The following ENTREP3 variants were observed in gnomAD, a reference collection of about 807,000 sequenced individuals.
The protein encoded by ENTREP3 is endosomal transmembrane epsin interactor 3.
At chr1:155,254,289 C>T in the ENTREP3 span, 15 of 1,502,260 alleles carry the variant, frequency 1.0e-5, no homozygotes, top group Non-Finnish European at 1.9e-6. The surrounding 1 kb of genome is among the most constrained non-coding windows in gnomAD (Gnocchi z 4.4). Flanking sequence ...ACTTCGTGCC[C>T]ACCCGGCTGG....
At chr1:155,247,805 C>A in the ENTREP3 span, 6 of 1,466,930 alleles carry the variant, frequency 4.1e-6, no homozygotes, top group Non-Finnish European at 5.4e-6. Context: ...TCCCGGCTGC[C>A]CCCGTTGAGG....
chr1:155,250,525 T>C, the ENTREP3 span: 1 of 1,528,446 alleles, frequency 6.5e-7, no homozygotes, highest in Non-Finnish European at 8.8e-7. This position sits in a 1 kb window ranked among gnomAD's most constrained non-coding sequence, Gnocchi z 5.4. Flanking sequence ...CGGTGGCAGC[T>C]GCGGGCAGCT....
chr1:155,250,936 C>T, the ENTREP3 span: 1 of 1,279,284 alleles, frequency 7.8e-7, no homozygotes, highest in African/African-American at 1.5e-5. The surrounding 1 kb of genome is among the most constrained non-coding windows in gnomAD (Gnocchi z 5.4). Context: ...CCAGCTTTAT[C>T]TCAGAGGAGA....
the ENTREP3 span, chr1:155,251,277 ACTTAATTGTGCAGC>A: frequency 1.1e-6 from 1 of 907,248 alleles, no homozygotes. Flanking sequence ...TGTACAAGTC[ACTTAATTGTGCAGC>A]CTCAGCTTCC....
At chr1:155,251,279 T>C in the ENTREP3 span, 1 of 887,630 alleles carries the variant, frequency 1.1e-6, no homozygotes, top group Non-Finnish European at 1.7e-6. Context: ...TACAAGTCAC[T>C]TAATTGTGCA....
the ENTREP3 span, chr1:155,251,972 A>G: frequency 1.4e-4 from 157 of 1,124,468 alleles, no homozygotes; most frequent in Non-Finnish European, 9.3e-5. Context: ...GGGCCCCCAA[A>G]CTCCTCTCTC....
At chr1:155,254,591 G>T in the ENTREP3 span, 2 of 1,567,688 alleles carry the variant, frequency 1.3e-6, no homozygotes, top group Non-Finnish European at 8.8e-7. This position sits in a 1 kb window ranked among gnomAD's most constrained non-coding sequence, Gnocchi z 4.4. Flanking sequence ...TGGACTTGCA[G>T]CTGGTGTGGA....
At chr1:155,254,640 G>A in the ENTREP3 span, 6 of 1,605,106 alleles carry the variant, frequency 3.7e-6, no homozygotes, top group Non-Finnish European at 5.1e-6. The surrounding 1 kb of genome is among the most constrained non-coding windows in gnomAD (Gnocchi z 4.4). Context: ...CAACAACTGT[G>A]CACCCAACTC....
the ENTREP3 span, chr1:155,253,943 G>A: frequency 6.2e-7 from 1 of 1,612,830 alleles, no homozygotes; most frequent in Non-Finnish European, 8.5e-7. Context: ...GCCGGAGGAG[G>A]GGAACAGAGG....
At chr1:155,249,446 A>C in the ENTREP3 span, among the ~76,000 whole-genome samples, 1 of 152,112 alleles carries the variant, frequency 6.6e-6, no homozygotes, top group Non-Finnish European at 1.5e-5. Context: ...TGGGGAGGAC[A>C]GATAAGTGGA....
the ENTREP3 span, chr1:155,251,062 G>A: frequency 7.6e-6 from 12 of 1,577,980 alleles, no homozygotes; most frequent in South Asian, 8.9e-5. Context: ...TGGCAGCCCC[G>A]CCCTTGTCCA....
chr1:155,248,677 G>T, the ENTREP3 span, among the ~76,000 whole-genome samples: 1 of 149,994 alleles, frequency 6.7e-6, no homozygotes, highest in African/African-American at 2.5e-5. Context: ...GTGTTGTTCA[G>T]CACCTGGCGC....
At chr1:155,250,174 T>G in the ENTREP3 span, 1 of 1,027,054 alleles carries the variant, frequency 9.7e-7, no homozygotes, top group Admixed American at 2.9e-5. The surrounding 1 kb of genome is among the most constrained non-coding windows in gnomAD (Gnocchi z 5.4). Context: ...TTCTTCCTCC[T>G]CAGGGACCTC....
the ENTREP3 span, chr1:155,248,166 G>A: frequency 1.1e-5 from 17 of 1,613,788 alleles, no homozygotes; most frequent in Non-Finnish European, 1.2e-5. Flanking sequence ...CCCAGGGAGT[G>A]GGCAGGTGCA....
the ENTREP3 span, chr1:155,253,892 G>A: frequency 3.1e-6 from 5 of 1,612,772 alleles, no homozygotes; most frequent in East Asian, 2.2e-5. Flanking sequence ...CACAGGTGGA[G>A]TTAGGGGCAA....
the ENTREP3 span, chr1:155,250,774 G>A: frequency 1.9e-6 from 3 of 1,611,492 alleles, no homozygotes; most frequent in Non-Finnish European, 2.5e-6. The surrounding 1 kb of genome is among the most constrained non-coding windows in gnomAD (Gnocchi z 5.4). Context: ...GAGCCCCCAG[G>A]GAGGTCACCA....
the ENTREP3 span, chr1:155,254,353 C>T: frequency 4.1e-5 from 65 of 1,600,084 alleles, no homozygotes; most frequent in East Asian, 1.1e-3. The surrounding 1 kb of genome is among the most constrained non-coding windows in gnomAD (Gnocchi z 4.4). Flanking sequence ...CTTCCCCTTG[C>T]GTGCTGGGCA....
At chr1:155,254,223 CTGGGACCCTCATG>C in the ENTREP3 span, 2 of 1,567,082 alleles carry the variant, frequency 1.3e-6, no homozygotes, top group Admixed American at 1.7e-5. This position sits in a 1 kb window ranked among gnomAD's most constrained non-coding sequence, Gnocchi z 4.4. Context: ...AGACTCAGGG[CTGGGACCCTCATG>C]AGTACTCCTC....
At chr1:155,250,169 C>T in the ENTREP3 span, 1 of 951,148 alleles carries the variant, frequency 1.1e-6, no homozygotes, top group Non-Finnish European at 1.5e-6. The surrounding 1 kb of genome is among the most constrained non-coding windows in gnomAD (Gnocchi z 5.4). Flanking sequence ...ACCCTTTCTT[C>T]CTCCTCAGGG....
Sources: allele counts gnomAD v4.1 joint callset (sites outside exome capture counted in the v4.1 genomes callset), GRCh38; gene constraint gnomAD v4.1.1; non-coding constraint Gnocchi (gnomAD v3.1); transcripts MANE v1.5; gene names NCBI Gene and HGNC (gene_info 2026-07-23, HGNC 2026-07-21).